The following ITPRID1 variants were observed in gnomAD, a reference collection of about 807,000 sequenced individuals.
ITPRID1 encodes the protein ITPR interacting domain containing 1, also known as protein ITPRID1.
In ITPRID1, 96 loss-of-function variants were observed where a neutral mutation model predicts 95.4. That is an observed-to-expected ratio of 1.01 (90% CI 0.85 to 1.19). ITPRID1 has a LOEUF of 1.19. Among genes scored for constraint, ITPRID1 ranks in the 50% most tolerant of loss-of-function variants. ITPRID1 has a pLI of 0.00. For synonymous variants in ITPRID1, 510 were observed against 453.6 expected (o/e 1.12, Z -1.58); for missense variants, 1,339 against 1,252.9 (o/e 1.07, Z -1.04).
At chr7:31,547,817 G>T (rs982126939) in intron 1 of ITPRID1, among the ~76,000 whole-genome samples, 2 of 152,106 alleles carry the variant, frequency 1.3e-5, no homozygotes, top group African/African-American at 4.8e-5. Context: ...CAAGAATAAA[G>T]AATTCAGTGT....
At chr7:31,627,019 CAT>C (rs1554296058) in intron 10 of ITPRID1, among the ~76,000 whole-genome samples, 1 of 152,236 alleles carries the variant, frequency 6.6e-6, no homozygotes, top group Non-Finnish European at 1.5e-5. Context: ...GTCTAAAACA[CAT>C]ATGTTGAGGA....
In ITPRID1 at chr7:31,618,732, T is replaced by C. The variant is rs143859303; in HGVS notation, c.1229-23444T>C. On this transcript the variant is annotated intron_variant, in intron 10 of 14. Transcript: ENST00000615280. ...TGAGGAAACCAAGGCTCTTAAAAGC[T>C]AAGCAACTTGCTCAAGTTCACCCAG... Among the ~76,000 whole-genome samples the C allele has an allele frequency of 3.3e-3, 506 of 152,338 alleles. 4 individuals carry two copies. Among genetic ancestry groups the C allele is most frequent in the African/African-American group, 0.012 (487 of 41,584 alleles).
At chr7:31,649,627 C>A (rs981326765) in intron 12 of ITPRID1, among the ~76,000 whole-genome samples, 2 of 152,122 alleles carry the variant, frequency 1.3e-5, no homozygotes, top group Admixed American at 1.3e-4. Flanking sequence ...GGGGTCCAAG[C>A]CTGTGGGTCT....
At chr7:31,549,546 A>G (rs1784213089) in intron 2 of ITPRID1, 47 bp downstream of exon 2, 2 of 1,389,852 alleles carry the variant, frequency 1.4e-6, no homozygotes, top group African/African-American at 1.4e-5. Context: ...CAAAAACTCC[A>G]TAAAGTGTTT....
intron 10 of ITPRID1, among the ~76,000 whole-genome samples, chr7:31,605,366 C>T (rs1786573013): frequency 1.3e-5 from 2 of 152,178 alleles, no homozygotes; most frequent in Admixed American, 6.5e-5. Flanking sequence ...CCTTTAATTA[C>T]TGCCCAAGTG....
chr7:31,620,316 C>G (rs373261223), intron 10 of ITPRID1, among the ~76,000 whole-genome samples: 18,059 of 151,660 alleles, frequency 0.12, 1,211 homozygotes, highest in Middle Eastern at 0.18. Flanking sequence ...TCAAGTGGGT[C>G]CCTGACCCCT....
chr7:31,609,417 A>G (rs1786769034), intron 10 of ITPRID1, among the ~76,000 whole-genome samples: 1 of 151,692 alleles, frequency 6.6e-6, no homozygotes, highest in African/African-American at 2.4e-5. Flanking sequence ...ATATATCAGC[A>G]AAGCCATCTG....
intron 10 of ITPRID1, among the ~76,000 whole-genome samples, chr7:31,613,903 A>G (rs750018401): frequency 4.6e-5 from 7 of 152,222 alleles, no homozygotes; most frequent in Non-Finnish European, 7.3e-5. Context: ...TTGCTAATGC[A>G]TATGTAGGGG....
downstream of ITPRID1, among the ~76,000 whole-genome samples, chr7:31,657,561 C>G (rs1161461686): frequency 6.6e-6 from 1 of 152,174 alleles, no homozygotes; most frequent in East Asian, 1.9e-4. Flanking sequence ...CCTAGCAACT[C>G]TTAGCTTAAT....
intron 2 of ITPRID1, among the ~76,000 whole-genome samples, chr7:31,550,118 C>CT (rs995446792): frequency 3.7e-4 from 55 of 148,144 alleles, no homozygotes; most frequent in African/African-American, 7.9e-4. Flanking sequence ...ATTTTGGTAC[C>CT]TTTTTTTTTC....
At chr7:31,617,096 C>T (rs1787315667) in intron 10 of ITPRID1, among the ~76,000 whole-genome samples, 1 of 152,170 alleles carries the variant, frequency 6.6e-6, no homozygotes, top group Admixed American at 6.5e-5. Context: ...GGTTGCACTT[C>T]AGTGGTGGGT....
chr7:31,522,383 C>T (rs991916823), intron 1 of ITPRID1, among the ~76,000 whole-genome samples: 4 of 152,172 alleles, frequency 2.6e-5, no homozygotes, highest in African/African-American at 7.2e-5. Context: ...TGAGCACTCA[C>T]GGTGAGATAC....
intron 10 of ITPRID1, among the ~76,000 whole-genome samples, chr7:31,638,923 C>T (rs749605633): frequency 3.3e-5 from 5 of 152,048 alleles, no homozygotes; most frequent in Non-Finnish European, 5.9e-5. Context: ...ATTACAGGCA[C>T]CTGCCACCAC....
chr7:31,539,839 G>T (rs1783875396), intron 1 of ITPRID1, among the ~76,000 whole-genome samples: 1 of 151,940 alleles, frequency 6.6e-6, no homozygotes, highest in Non-Finnish European at 1.5e-5. Context: ...TGAAGGGGAG[G>T]TTATCTTGGG....
Position 31,656,049 on chromosome 7 carries a change from C to A in ITPRID1, c.*3220C>A, listed in dbSNP as rs1791289803. 1.0e-6 allele frequency: 1 copy of A among 975,774 alleles called. No individual in the cohort carries two copies. 60.4% of individuals were successfully genotyped at this position (975,774 alleles called of 1,614,324 possible). ...AGTATCTCACCAGTAAGTCCTAGGG[C>A]AGACCCCATCTCCTACACAGGCTTT... is the stretch of plus-strand genomic sequence containing the variant. On this transcript the variant is annotated 3_prime_UTR_variant, in exon 15 of 15. Coordinates refer to ENST00000615280, the MANE Select transcript of ITPRID1 (RefSeq NM_001257967.3).
At chr7:31,528,415 T>C (rs537603361) in intron 1 of ITPRID1, among the ~76,000 whole-genome samples, 1 of 152,292 alleles carries the variant, frequency 6.6e-6, no homozygotes, top group East Asian at 1.9e-4. Flanking sequence ...TCATTAGCCT[T>C]TTTACAAAGC....
At chr7:31,594,998 A>C (rs1383738422) in intron 10 of ITPRID1, among the ~76,000 whole-genome samples, 1 of 151,076 alleles carries the variant, frequency 6.6e-6, no homozygotes, top group East Asian at 1.9e-4. Context: ...AATGAGTACT[A>C]TTTGCTAGTG....
chr7:31,621,674 G>T (rs1374474958), intron 10 of ITPRID1, among the ~76,000 whole-genome samples: 2 of 146,676 alleles, frequency 1.4e-5, no homozygotes, highest in African/African-American at 2.6e-5. Flanking sequence ...AAAGACCATC[G>T]AGACTAGCAA....
At chr7:31,548,896 A>G (rs1784189562) in intron 1 of ITPRID1, among the ~76,000 whole-genome samples, 1 of 152,118 alleles carries the variant, frequency 6.6e-6, no homozygotes, top group Admixed American at 6.6e-5. Flanking sequence ...AATGGAACAC[A>G]TGGATCTATG....
Sources: gnomAD v4.1 joint callset for allele counts (sites outside exome capture counted in the v4.1 genomes callset) on GRCh38, gnomAD v4.1.1 for gene constraint, MANE v1.5 for transcripts, NCBI Gene and HGNC (gene_info 2026-07-23, HGNC 2026-07-21) for gene names.